TENM2: variants seen among roughly 807,000 people sequenced by gnomAD.
TENM2 encodes teneurin transmembrane protein 2.
TENM2 carries 52 observed loss-of-function variants against 245.2 expected under a neutral mutation model. The observed-to-expected ratio is 0.21, with a 90% CI of 0.17 to 0.27. The LOEUF (loss-of-function observed/expected upper bound fraction) is 0.27. Among genes scored for constraint, TENM2 ranks in the 10% least tolerant of loss-of-function variants. The pLI is 1.00. For missense variants in TENM2, 3,046 were observed against 3,666.8 expected (o/e 0.83, Z 4.37); for synonymous variants, 1,363 against 1,438.9 (o/e 0.95, Z 1.19).
At chr5:168,101,379 G>T (rs955717360) in intron 9 of TENM2, among the ~76,000 whole-genome samples, 2 of 152,120 alleles carry the variant, frequency 1.3e-5, no homozygotes, top group Non-Finnish European at 2.9e-5. Flanking sequence ...TGTGTGCTCC[G>T]ACTGCACATC....
chr5:167,825,533 TCTG>T (rs1388020447), intron 2 of TENM2, among the ~76,000 whole-genome samples: 3 of 152,140 alleles, frequency 2.0e-5, no homozygotes, highest in Non-Finnish European at 4.4e-5. Flanking sequence ...CCTTAACTCA[TCTG>T]CTACCATTTG....
intron 1 of TENM2, among the ~76,000 whole-genome samples, chr5:167,290,463 A>C (rs1754567822): frequency 6.6e-6 from 1 of 152,220 alleles, no homozygotes; most frequent in South Asian, 2.1e-4. Context: ...CCCTACTACC[A>C]GCAGAAGTGG....
intron 7 of TENM2, among the ~76,000 whole-genome samples, chr5:168,090,362 T>A (rs1792831004): frequency 6.6e-6 from 1 of 151,858 alleles, no homozygotes; most frequent in African/African-American, 2.4e-5. Flanking sequence ...AATAAAAGTA[T>A]TAATAGTAGC....
Position 167,892,132 on chromosome 5 carries a change from A to G in TENM2, c.712+15937A>G, listed in dbSNP as rs190770615. 3.0e-3 allele frequency among the ~76,000 whole-genome samples: 463 copies of G among 152,376 alleles called. 1 individual carries two copies. The highest frequency in any genetic ancestry group is 0.011 in the African/African-American group (446 of 41,598). On this transcript the variant is annotated intron_variant, in intron 3 of 28. Coordinates refer to ENST00000518659, the Ensembl canonical transcript of TENM2. ...GTAAGCACATTATGGACTGAATTACAACATTTCATGAGAAGAAAAGAGAAG... is the reference window on the plus strand; with the variant it reads ...GTAAGCACATTATGGACTGAATTACGACATTTCATGAGAAGAAAAGAGAAG...
At chr5:167,155,099 T>C in the TENM2 span, among the ~76,000 whole-genome samples, 4 of 152,228 alleles carry the variant, frequency 2.6e-5, no homozygotes, top group Non-Finnish European at 5.9e-5. Context: ...ATGGGGCAAG[T>C]TTTGTGTATC....
chr5:166,992,761 G>A, the TENM2 span, among the ~76,000 whole-genome samples: 2 of 152,254 alleles, frequency 1.3e-5, no homozygotes, highest in South Asian at 2.1e-4. Flanking sequence ...GATTTGGGAA[G>A]AAATTTTGAA....
chr5:166,997,900 A>G, the TENM2 span, among the ~76,000 whole-genome samples: 2 of 152,136 alleles, frequency 1.3e-5, no homozygotes, highest in Non-Finnish European at 2.9e-5. Context: ...AACATAAATA[A>G]ACAACAGATA....
intron 6 of TENM2, among the ~76,000 whole-genome samples, chr5:168,061,728 A>G (rs73803868): frequency 0.012 from 1,803 of 152,290 alleles, 33 homozygotes; most frequent in African/African-American, 0.04. Context: ...TCCCCTGCTG[A>G]TAAGTTTTAC....
intron 5 of TENM2, among the ~76,000 whole-genome samples, chr5:168,017,627 G>T (rs1785774411): frequency 6.6e-6 from 1 of 152,162 alleles, no homozygotes; most frequent in Admixed American, 6.5e-5. Flanking sequence ...AGTATTACAA[G>T]GAAAGCAGGC....
chr5:167,254,529 C>T, the TENM2 span, among the ~76,000 whole-genome samples: 7 of 152,164 alleles, frequency 4.6e-5, no homozygotes, highest in Non-Finnish European at 1.0e-4. Context: ...ATTTCTTCAA[C>T]TTCTCTCTTG....
At chr5:168,123,623 GC>G (rs59530088) in intron 10 of TENM2, among the ~76,000 whole-genome samples, 13,084 of 152,256 alleles carry the variant, frequency 0.086, 901 homozygotes, top group East Asian at 0.3. Context: ...AGCTAGCTGT[GC>G]CCCCAGGTGA....
the TENM2 span, among the ~76,000 whole-genome samples, chr5:167,208,705 A>G: frequency 6.6e-6 from 1 of 152,336 alleles, no homozygotes; most frequent in Non-Finnish European, 1.5e-5. Flanking sequence ...TCTTAAGACG[A>G]TGTCATTTAA....
intron 27 of TENM2, among the ~76,000 whole-genome samples, chr5:168,257,314 C>G (rs934587824): frequency 6.6e-6 from 1 of 152,014 alleles, no homozygotes; most frequent in African/African-American, 2.4e-5. Flanking sequence ...CCTTACCGGG[C>G]AGGCAGAGTC....
intron 4 of TENM2, among the ~76,000 whole-genome samples, chr5:167,964,192 G>A (rs1038464753): frequency 7.2e-5 from 11 of 152,126 alleles, no homozygotes; most frequent in Admixed American, 5.9e-4. Context: ...CTTCCCGGTC[G>A]GCTGCTTCTT....
intron 5 of TENM2, among the ~76,000 whole-genome samples, chr5:168,011,857 A>G (rs1785245346): frequency 6.6e-6 from 1 of 152,214 alleles, no homozygotes; most frequent in African/African-American, 2.4e-5. Context: ...ATTTATGAAA[A>G]ACCTACTATG....
chr5:167,738,292 T>C (rs1760941958), intron 2 of TENM2, among the ~76,000 whole-genome samples: 1 of 152,130 alleles, frequency 6.6e-6, no homozygotes. Context: ...TAACATGGAG[T>C]GATGTGTTGA....
intron 2 of TENM2, 28 bp downstream of exon 4, chr5:167,375,501 A>C (rs1252632288): frequency 9.7e-6 from 15 of 1,549,458 alleles, no homozygotes; most frequent in Non-Finnish European, 1.3e-5. Context: ...ATACCTTTTA[A>C]CGTTCTGTGC....
chr5:167,590,460 A>G (rs974256971), intron 2 of TENM2, among the ~76,000 whole-genome samples: 5 of 152,046 alleles, frequency 3.3e-5, no homozygotes, highest in Non-Finnish European at 7.4e-5. Context: ...ATGAGGATCT[A>G]GTTTCTTAAA....
the TENM2 span, among the ~76,000 whole-genome samples, chr5:167,156,709 CTG>C: frequency 6.6e-6 from 1 of 152,184 alleles, no homozygotes; most frequent in African/African-American, 2.4e-5. Flanking sequence ...ACACCGCACA[CTG>C]AGAAACTCAA....
Sources: gnomAD v4.1 joint callset for allele counts (sites outside exome capture counted in the v4.1 genomes callset) on GRCh38, gnomAD v4.1.1 for gene constraint, MANE v1.5 for transcripts, NCBI Gene and HGNC (gene_info 2026-07-23, HGNC 2026-07-21) for gene names.